KCNIP4: variants seen among roughly 807,000 people sequenced by gnomAD.
KCNIP4 encodes Kv channel-interacting protein 4.
Under a neutral mutation model 34.0 loss-of-function variants are expected in KCNIP4, and 12 were observed. The ratio of observed to expected loss-of-function variants is 0.35; its 90% confidence interval spans 0.23 to 0.57. KCNIP4 has a LOEUF of 0.57. Ranked by LOEUF, KCNIP4 falls within the 20% of genes least tolerant of loss-of-function variation. The pLI, the probability that KCNIP4 is intolerant of heterozygous loss-of-function variation, is 0.83. For missense variants in KCNIP4, 238 were observed against 311.7 expected (o/e 0.76, Z 1.78); for synonymous variants, 124 against 102.2 (o/e 1.21, Z -1.29).
At chr4:21,574,658 A>T (rs1740609644) in intron 1 of KCNIP4, among the ~76,000 whole-genome samples, 1 of 152,178 alleles carries the variant, frequency 6.6e-6, no homozygotes, top group Admixed American at 6.5e-5. Flanking sequence ...TGAACCCTCA[A>T]ATTGAGAGTG....
chr4:20,802,426 T>C (rs1394355138), intron 3 of KCNIP4, among the ~76,000 whole-genome samples: 1 of 151,852 alleles, frequency 6.6e-6, no homozygotes, highest in African/African-American at 2.4e-5. Flanking sequence ...TTAATACTCT[T>C]TTCAGTAATG....
At chr4:20,935,176 T>C (rs1730932784) in intron 1 of KCNIP4, among the ~76,000 whole-genome samples, 1 of 152,208 alleles carries the variant, frequency 6.6e-6, no homozygotes, top group African/African-American at 2.4e-5. Context: ...GTCATACTCA[T>C]AGGGTCTGGA....
intron 1 of KCNIP4, among the ~76,000 whole-genome samples, chr4:21,618,799 A>T (rs1053308878): frequency 6.6e-6 from 1 of 150,490 alleles, no homozygotes; most frequent in African/African-American, 2.4e-5. Context: ...CGCCCTGCTA[A>T]TTTTTTTGTA....
At chr4:21,907,259 G>A (rs535199035) in intron 1 of KCNIP4, among the ~76,000 whole-genome samples, 9 of 152,200 alleles carry the variant, frequency 5.9e-5, no homozygotes, top group Admixed American at 2.0e-4. Flanking sequence ...GACTAACTCC[G>A]TTACTGAAAA....
chr4:21,520,330 C>A (rs772580590), intron 1 of KCNIP4, among the ~76,000 whole-genome samples: 1 of 152,128 alleles, frequency 6.6e-6, no homozygotes, highest in Non-Finnish European at 1.5e-5. Flanking sequence ...GCACTCTGAT[C>A]TCAGTTTTCC....
chr4:21,094,472 G>T (rs917932139), intron 1 of KCNIP4, among the ~76,000 whole-genome samples: 5 of 152,126 alleles, frequency 3.3e-5, no homozygotes, highest in African/African-American at 1.2e-4. Context: ...GGGAAAGCTC[G>T]ACTGGGAGGA....
intron 1 of KCNIP4, among the ~76,000 whole-genome samples, chr4:21,518,944 T>G (rs1032003355): frequency 5.1e-4 from 77 of 152,228 alleles, no homozygotes; most frequent in African/African-American, 1.8e-3. Flanking sequence ...TTTTAAGCAC[T>G]TTAATTGATT....
intron 1 of KCNIP4, among the ~76,000 whole-genome samples, chr4:21,561,311 T>G (rs1423769505): frequency 6.6e-6 from 1 of 151,968 alleles, no homozygotes; most frequent in African/African-American, 2.4e-5. Flanking sequence ...TAAAATCTAT[T>G]AAAAAGTTTG....
intron 1 of KCNIP4, among the ~76,000 whole-genome samples, chr4:21,302,705 G>C (rs1468041280): frequency 6.6e-6 from 1 of 151,940 alleles, no homozygotes; most frequent in Non-Finnish European, 1.5e-5. Context: ...CCCGCCTCCT[G>C]CGCCCTGCAT....
At chr4:21,883,573 T>C (rs1334810900) in intron 1 of KCNIP4, among the ~76,000 whole-genome samples, 1 of 152,190 alleles carries the variant, frequency 6.6e-6, no homozygotes, top group Admixed American at 6.5e-5. Flanking sequence ...TGTGTTCTGT[T>C]TGATCTAAAA....
At chr4:21,211,141 C>G (rs896924912) in intron 1 of KCNIP4, among the ~76,000 whole-genome samples, 1 of 152,092 alleles carries the variant, frequency 6.6e-6, no homozygotes, top group Non-Finnish European at 1.5e-5. Flanking sequence ...GTCATTCTTA[C>G]TTTTTTCACC....
chr4:20,798,930 C>T (rs1311258459), intron 3 of KCNIP4, among the ~76,000 whole-genome samples: 1 of 152,212 alleles, frequency 6.6e-6, no homozygotes, highest in African/African-American at 2.4e-5. Flanking sequence ...CTTCTCCCCA[C>T]TGCCCCCTGT....
chr4:21,473,485 GT>G (rs911025173), intron 1 of KCNIP4, among the ~76,000 whole-genome samples: 3 of 152,142 alleles, frequency 2.0e-5, no homozygotes, highest in East Asian at 1.9e-4. Context: ...TGGTAAAAGA[GT>G]TTTTTTAAAA....
intron 1 of KCNIP4, among the ~76,000 whole-genome samples, chr4:21,900,470 G>T (rs879515526): frequency 6.6e-6 from 1 of 152,108 alleles, no homozygotes; most frequent in Non-Finnish European, 1.5e-5. Context: ...GGTCCTTCTT[G>T]CCTGGCTCCC....
intron 1 of KCNIP4, chr4:21,843,392 A>C (rs1303583048): frequency 6.6e-6 from 1 of 152,060 alleles, no homozygotes; most frequent in Non-Finnish European, 1.5e-5. Flanking sequence ...GGTTTAAGAC[A>C]TGTTAGCCCA....
intron 1 of KCNIP4, among the ~76,000 whole-genome samples, chr4:21,206,906 C>T (rs992084281): frequency 1.3e-5 from 2 of 152,176 alleles, no homozygotes; most frequent in Non-Finnish European, 2.9e-5. Context: ...ATTATAGCTA[C>T]ATTCATTGTT....
intron 1 of KCNIP4, among the ~76,000 whole-genome samples, chr4:21,547,863 T>C (rs982297417): frequency 7.0e-6 from 1 of 142,900 alleles, no homozygotes; most frequent in Admixed American, 7.1e-5. Context: ...ACGTATAGCC[T>C]GAAGGTGACT....
chr4:21,559,981 C>T (rs761480175), intron 1 of KCNIP4, among the ~76,000 whole-genome samples: 1 of 152,022 alleles, frequency 6.6e-6, no homozygotes, highest in African/African-American at 2.4e-5. Context: ...TTGATTTATG[C>T]CCTTACTTGA....
chr4:21,519,696 G>A (rs1055190249), intron 1 of KCNIP4, among the ~76,000 whole-genome samples: 3 of 143,132 alleles, frequency 2.1e-5, no homozygotes, highest in East Asian at 2.1e-4. Context: ...ATATACACAC[G>A]TGTGTGTATG....
Sources: allele counts gnomAD v4.1 joint callset (sites outside exome capture counted in the v4.1 genomes callset), GRCh38; gene constraint gnomAD v4.1.1; transcripts MANE v1.5; gene names NCBI Gene and HGNC (gene_info 2026-07-23, HGNC 2026-07-21).